Variants in CELF2 observed in about 807,000 individuals in gnomAD.
The protein encoded by CELF2 is CUGBP Elav-like family member 2.
A neutral mutation model predicts 62.6 loss-of-function variants in CELF2; 8 were observed. The observed-to-expected ratio is 0.13, with a 90% CI of 0.07 to 0.23. The LOEUF is 0.23. CELF2 is among the 10% of genes least tolerant of loss of function. The probability of loss-of-function intolerance (pLI) is 1.00; values close to 1 mark genes in which losing one functional copy is unlikely to be tolerated. For missense variants in CELF2, 333 were observed against 671.0 expected (o/e 0.50, Z 5.56); for synonymous variants, 258 against 250.0 (o/e 1.03, Z -0.30).
At chr10:10,503,282 T>C in the CELF2 span, among the ~76,000 whole-genome samples, 1 of 152,008 alleles carries the variant, frequency 6.6e-6, no homozygotes, top group Non-Finnish European at 1.5e-5. Context: ...GTATCCTTGC[T>C]AATTTTCTAT....
intron 1 of CELF2, among the ~76,000 whole-genome samples, chr10:10,892,835 A>C (rs1460953118): frequency 6.6e-6 from 1 of 152,212 alleles, no homozygotes; most frequent in Non-Finnish European, 1.5e-5. Flanking sequence ...GCACACAGAG[A>C]TGATTTTTGT....
chr10:10,475,247 G>C, the CELF2 span, among the ~76,000 whole-genome samples: 2 of 152,008 alleles, frequency 1.3e-5, no homozygotes, highest in Non-Finnish European at 2.9e-5. Context: ...AAATGAAGCA[G>C]ATAGATGGAA....
the CELF2 span, among the ~76,000 whole-genome samples, chr10:10,484,508 A>C: frequency 2.7e-5 from 4 of 149,754 alleles, no homozygotes; most frequent in South Asian, 8.6e-4. Flanking sequence ...GTAGAGACGG[A>C]GTTTCACCAT....
At chr10:10,908,087 C>A (rs1316432370) in intron 1 of CELF2, among the ~76,000 whole-genome samples, 1 of 151,920 alleles carries the variant, frequency 6.6e-6, no homozygotes, top group Non-Finnish European at 1.5e-5. Context: ...CCGGCCTGCC[C>A]GTACAGTCAG....
Position 11,296,040 on chromosome 10 carries a change from G to A in CELF2, c.976+7488G>A, listed in dbSNP as rs1039976591. 2.6e-5 allele frequency among the ~76,000 whole-genome samples: 4 copies of A among 152,134 alleles called. No homozygotes were observed. The highest frequency in any genetic ancestry group is 5.9e-5 in the Non-Finnish European group (4 of 68,024). On this transcript the variant is annotated intron_variant, in intron 9 of 12. Coordinates refer to ENST00000633077, the MANE Select transcript of CELF2 (RefSeq NM_001326342.2). The surrounding 1 kb of genome is among the most constrained non-coding windows in gnomAD (Gnocchi z 5.0). The stretch of plus-strand genomic sequence containing the variant: ...AGCTTTGGGGGTAGAGATATTTACG[G>A]TTCACCACAGAGCCCACGCTGGGAT...
At chr10:11,113,999 TATA>T (rs1336998731) in intron 1 of CELF2, among the ~76,000 whole-genome samples, 1 of 152,200 alleles carries the variant, frequency 6.6e-6, no homozygotes, top group East Asian at 1.9e-4. Context: ...CAGAAGGAAT[TATA>T]GATGGTTCAA....
chr10:11,208,865 G>T (rs1167822456), intron 2 of CELF2, among the ~76,000 whole-genome samples: 1 of 152,130 alleles, frequency 6.6e-6, no homozygotes, highest in Admixed American at 6.5e-5. Flanking sequence ...TTATGCTGGA[G>T]TACTGCTTCC....
At chr10:10,933,106 G>A (rs1472824486) in intron 2 of CELF2, among the ~76,000 whole-genome samples, 1 of 150,710 alleles carries the variant, frequency 6.6e-6, no homozygotes, top group African/African-American at 2.4e-5. Context: ...ACCAGCTTGG[G>A]CAACATGGCA....
In CELF2 at chr10:11,314,705, C is replaced by T. The variant is rs886086076; in HGVS notation, c.1096+447C>T. ...CTCCCTCTCTGGGCTTGGGAGTCTC[C>T]ATTTGAGAATGGAAAGTTCTGGGTC... On this transcript the variant is annotated intron_variant, in intron 10 of 12. Transcript: ENST00000633077. This position sits in a 1 kb window ranked among gnomAD's most constrained non-coding sequence, Gnocchi z 5.3. 12 of 245,054 alleles carry T rather than the reference C, an allele frequency of 4.9e-5. No individual in the cohort carries two copies. Among genetic ancestry groups the T allele is most frequent in the Admixed American group, 2.1e-4 (4 of 19,356 alleles). The allele number at this position is 245,054 out of a possible 1,614,324, so 15.2% of individuals were successfully genotyped here. A position where few individuals can be genotyped will look rare whatever the true frequency, so the allele number is the denominator to read the frequency against.
the CELF2 span, among the ~76,000 whole-genome samples, chr10:10,634,311 G>A: frequency 0.038 from 5,698 of 151,840 alleles, 254 homozygotes; most frequent in East Asian, 0.27. Flanking sequence ...CTAAATTGGG[G>A]GTATGCCTAG....
At chr10:11,249,321 C>A in intron 4 of CELF2, 120 bp downstream of exon 4, 1 of 748,766 alleles carries the variant, frequency 1.3e-6, no homozygotes, top group Non-Finnish European at 2.3e-6. Context: ...GAGAGCGCTG[C>A]TCCTGGAATC....
chr10:10,765,728 T>A, the CELF2 span, among the ~76,000 whole-genome samples: 37 of 152,200 alleles, frequency 2.4e-4, no homozygotes, highest in Admixed American at 5.2e-4. Context: ...TCGCTCATGC[T>A]CAGCCAGCAC....
intron 2 of CELF2, among the ~76,000 whole-genome samples, chr10:10,976,827 A>G (rs1940354104): frequency 6.6e-6 from 1 of 152,044 alleles, no homozygotes; most frequent in Admixed American, 6.6e-5. Flanking sequence ...CTAACTCAAA[A>G]TGCCGCTCAC....
the CELF2 span, among the ~76,000 whole-genome samples, chr10:10,528,154 C>T: frequency 6.6e-5 from 7 of 106,518 alleles, no homozygotes; most frequent in African/African-American, 2.3e-4. Context: ...AGATAGATTC[C>T]TGTTTTGTGT....
At chr10:11,149,798 A>G (rs969728149) in intron 1 of CELF2, among the ~76,000 whole-genome samples, 1 of 152,180 alleles carries the variant, frequency 6.6e-6, no homozygotes, top group Admixed American at 6.5e-5. Context: ...GTGTGTCATT[A>G]TAAGCCCATA....
rs984696938 is a variant in CELF2, at chr10:11,008,118, G to A, written c.53+2678G>A. Among the ~76,000 whole-genome samples the A allele has an allele frequency of 5.9e-5, 9 of 152,168 alleles. No individual in the cohort carries two copies. Among genetic ancestry groups the A allele is most frequent in the Non-Finnish European group, 1.2e-4 (8 of 68,024 alleles). On this transcript the variant is annotated intron_variant, in intron 1 of 12. Transcript: ENST00000416382. This position sits in a 1 kb window ranked among gnomAD's most constrained non-coding sequence, Gnocchi z 4.5. Reference sequence around the variant, plus strand: ...ACATCTATTTCCACAACAGGAACAGGATACGTAATCTGTATCCTTCCATAA... The same window carrying A: ...ACATCTATTTCCACAACAGGAACAGAATACGTAATCTGTATCCTTCCATAA...
chr10:11,190,598 T>C (rs1018373686), intron 2 of CELF2, among the ~76,000 whole-genome samples: 1 of 151,192 alleles, frequency 6.6e-6, no homozygotes, highest in Admixed American at 6.6e-5. Context: ...GGAAAGATTC[T>C]CAAAGGAATT....
chr10:10,596,945 A>G, the CELF2 span, among the ~76,000 whole-genome samples: 1 of 152,148 alleles, frequency 6.6e-6, no homozygotes, highest in African/African-American at 2.4e-5. Flanking sequence ...CTCCACCCAG[A>G]AAGCTATGGT....
At position 11,017,898 on chromosome 10, in the gene CELF2, G is replaced by A. The variant is rs2057517213; in HGVS notation, c.-192G>A. ...CCCCCGCCCGCCGCACCTGGCGCTC[G>A]GCAGCCGGCCGCCCCGGCGCTGGAT... On this transcript the variant is annotated 5_prime_UTR_variant, in exon 1 of 13. Transcript: ENST00000633077. The surrounding 1 kb of genome is among the most constrained non-coding windows in gnomAD (Gnocchi z 5.5). The A allele has an allele frequency of 1.1e-5, 11 of 968,288 alleles. No individual in the cohort carries two copies. In the South Asian group the frequency reaches 4.8e-4, roughly 42 times the overall value. The allele number at this position is 968,288 out of a possible 1,614,324, so 60.0% of individuals were successfully genotyped here.
Sources: allele counts gnomAD v4.1 joint callset (sites outside exome capture counted in the v4.1 genomes callset), GRCh38; gene constraint gnomAD v4.1.1; non-coding constraint Gnocchi (gnomAD v3.1); transcripts MANE v1.5; gene names NCBI Gene and HGNC (gene_info 2026-07-23, HGNC 2026-07-21).